TMEM132D: variants seen among roughly 807,000 people sequenced by gnomAD.
TMEM132D encodes mature OL transmembrane protein.
A neutral mutation model predicts 62.3 loss-of-function variants in TMEM132D; 21 were observed. The ratio of observed to expected loss-of-function variants is 0.34; its 90% CI spans 0.24 to 0.49. TMEM132D has a LOEUF of 0.49. Among genes scored for constraint, TMEM132D ranks in the 20% least tolerant of loss-of-function variants. The pLI is 0.99. For synonymous variants in TMEM132D, 621 were observed against 575.6 expected (o/e 1.08, Z -1.13); for missense variants, 1,346 against 1,402.8 (o/e 0.96, Z 0.65).
chr12:129,142,020 T>C (rs1414238956), intron 5 of TMEM132D, among the ~76,000 whole-genome samples: 1 of 148,324 alleles, frequency 6.7e-6, no homozygotes, highest in Non-Finnish European at 1.5e-5. Context: ...TATAAATATA[T>C]ATATTTTTAA....
chr12:129,109,801 T>A (rs1875626935), intron 5 of TMEM132D: 1 of 159,768 alleles, frequency 6.3e-6, no homozygotes, highest in Non-Finnish European at 1.3e-5. Context: ...TTTGGGTATG[T>A]CTTTATCAGC....
chr12:129,777,063 G>C (rs1010808309), intron 1 of TMEM132D, among the ~76,000 whole-genome samples: 1 of 152,210 alleles, frequency 6.6e-6, no homozygotes, highest in Admixed American at 6.5e-5. Context: ...GAGAATGGCT[G>C]AGGGTTGTTA....
intron 5 of TMEM132D, among the ~76,000 whole-genome samples, chr12:129,152,554 G>T (rs1453789862): frequency 6.6e-6 from 1 of 152,176 alleles, no homozygotes; most frequent in Admixed American, 6.5e-5. Context: ...TGAGCAGTTT[G>T]CCTGGGCTGA....
intron 5 of TMEM132D, among the ~76,000 whole-genome samples, chr12:129,192,238 C>G (rs769303445): frequency 2.6e-5 from 4 of 152,188 alleles, no homozygotes; most frequent in Non-Finnish European, 4.4e-5. Context: ...AAATGTTGCT[C>G]AAGAATATCA....
intron 3 of TMEM132D, among the ~76,000 whole-genome samples, chr12:129,446,892 C>T (rs1454292070): frequency 6.6e-6 from 1 of 152,218 alleles, no homozygotes; most frequent in Non-Finnish European, 1.5e-5. Flanking sequence ...CTGGCATTAA[C>T]TGTCTTTAGG....
chr12:129,310,537 C>A (rs1225760220), intron 4 of TMEM132D, among the ~76,000 whole-genome samples: 2 of 152,216 alleles, frequency 1.3e-5, no homozygotes, highest in African/African-American at 4.8e-5. Flanking sequence ...CCTGCTGGGG[C>A]TTCCAGAGAC....
At chr12:129,808,024 G>A (rs986849719) in intron 1 of TMEM132D, among the ~76,000 whole-genome samples, 9 of 152,082 alleles carry the variant, frequency 5.9e-5, no homozygotes, top group Non-Finnish European at 1.3e-4. Context: ...CTCAGAGTAG[G>A]GTTGTCTTCT....
chr12:129,181,932 C>T (rs1431894445), intron 5 of TMEM132D, among the ~76,000 whole-genome samples: 2 of 152,150 alleles, frequency 1.3e-5, no homozygotes, highest in African/African-American at 2.4e-5. Context: ...TCTGTTTTCT[C>T]ACCACCACCA....
chr12:129,515,926 A>G (rs1875660896), intron 3 of TMEM132D, among the ~76,000 whole-genome samples: 1 of 152,154 alleles, frequency 6.6e-6, no homozygotes, highest in Non-Finnish European at 1.5e-5. Context: ...TTCTCTTGTT[A>G]ATCTGTCTTT....
intron 2 of TMEM132D, among the ~76,000 whole-genome samples, chr12:129,637,502 A>C (rs1485941499): frequency 6.6e-6 from 1 of 152,086 alleles, no homozygotes; most frequent in Non-Finnish European, 1.5e-5. Flanking sequence ...GTGAATTCTC[A>C]CAAGAACTGG....
At chr12:129,765,553 T>C (rs1370703326) in intron 1 of TMEM132D, among the ~76,000 whole-genome samples, 1 of 128,064 alleles carries the variant, frequency 7.8e-6, no homozygotes, top group African/African-American at 3.0e-5. Flanking sequence ...GCAACAAGAG[T>C]GAAATTGCAT....
At chr12:129,504,445 A>G (rs1875268693) in intron 3 of TMEM132D, among the ~76,000 whole-genome samples, 1 of 152,132 alleles carries the variant, frequency 6.6e-6, no homozygotes, top group South Asian at 2.1e-4. Context: ...TGTGCAGGGT[A>G]TCTCATTCTT....
At chr12:129,416,769 T>C (rs1449323718) in intron 3 of TMEM132D, among the ~76,000 whole-genome samples, 1 of 152,220 alleles carries the variant, frequency 6.6e-6, no homozygotes, top group Non-Finnish European at 1.5e-5. Context: ...TTGAATTTTA[T>C]TGAAGGCCTT....
chr12:129,513,198 C>T (rs1159924176), intron 3 of TMEM132D, among the ~76,000 whole-genome samples: 1 of 152,024 alleles, frequency 6.6e-6, no homozygotes, highest in Non-Finnish European at 1.5e-5. Flanking sequence ...TGGAGAAGGT[C>T]AAAAAGGGAG....
chr12:129,773,996 T>C (rs1347359455), intron 1 of TMEM132D, among the ~76,000 whole-genome samples: 1 of 152,224 alleles, frequency 6.6e-6, no homozygotes, highest in African/African-American at 2.4e-5. Context: ...TAGGATACAC[T>C]GAATACATGT....
chr12:129,375,278 T>C lies in TMEM132D; in HGVS notation c.1116-37461A>G, dbSNP rs79788445. On this transcript the variant is annotated intron_variant, in intron 3 of 8. Transcript: ENST00000422113. ...CAGCAGTTACTAAACACAGAACAAT[T>C]TACCAACAGCCCATTCATGAGATTT... Among the ~76,000 whole-genome samples, 15 of 152,310 alleles carry C rather than the reference T, an allele frequency of 9.8e-5. No individual in the cohort carries two copies. The East Asian group carries it at 2.9e-3, about 29-fold the overall frequency.
At chr12:129,200,697 A>G (rs1054143001) in intron 5 of TMEM132D, among the ~76,000 whole-genome samples, 6 of 152,206 alleles carry the variant, frequency 3.9e-5, no homozygotes, top group Non-Finnish European at 7.3e-5. Flanking sequence ...GGATTGCAGA[A>G]AGAGAACTGC....
intron 3 of TMEM132D, among the ~76,000 whole-genome samples, chr12:129,450,155 G>A (rs945448811): frequency 3.3e-5 from 5 of 152,102 alleles, no homozygotes; most frequent in Non-Finnish European, 7.3e-5. Flanking sequence ...CCATTCTGTA[G>A]GTTGTCTGTT....
intron 3 of TMEM132D, among the ~76,000 whole-genome samples, chr12:129,366,297 G>A (rs1373017866): frequency 6.6e-6 from 1 of 152,098 alleles, no homozygotes; most frequent in East Asian, 1.9e-4. Flanking sequence ...CATAGGGGTG[G>A]ATTTCTCATG....
Sources: allele counts gnomAD v4.1 joint callset (sites outside exome capture counted in the v4.1 genomes callset), GRCh38; gene constraint gnomAD v4.1.1; transcripts MANE v1.5; gene names NCBI Gene and HGNC (gene_info 2026-07-23, HGNC 2026-07-21).